The following PRELID1 variants were observed in gnomAD, a reference collection of about 807,000 sequenced individuals.
PRELID1 encodes PRELI domain-containing protein 1, mitochondrial.
PRELID1 carries 15 observed loss-of-function variants against 29.0 expected under a neutral mutation model. The ratio of observed to expected loss-of-function variants is 0.52; its 90% CI spans 0.35 to 0.80. PRELID1 has a LOEUF of 0.80. PRELID1 is among the 30% of genes least tolerant of loss of function. The pLI is 0.01. For missense variants in PRELID1, 187 were observed against 275.9 expected, an observed-to-expected ratio of 0.68 and a Z score of 2.28; for synonymous variants, 79 against 106.5, an observed-to-expected ratio of 0.74 and a Z score of 1.59.
Position 177,304,023 on chromosome 5 carries a change from G to A in PRELID1, c.38G>A (p.Ser13Asn). The A allele has an allele frequency of 3.1e-6, 5 of 1,612,132 alleles. No homozygotes were observed. Among genetic ancestry groups the A allele is most frequent in the Non-Finnish European group, 2.5e-6 (3 of 1,179,952 alleles). ...TTCCTGGGCCAGAGCGTGCTCCGGAGTTCCTGGGACCAAGTGTTCGCCGCC... is the reference window on the plus strand; with the variant it reads ...TTCCTGGGCCAGAGCGTGCTCCGGAATTCCTGGGACCAAGTGTTCGCCGCC... ...KYFLGQSVLR[S>N]SWDQVFAAFW... is the part of the protein sequence containing the mutation. Residue 13 changes from serine to asparagine, a missense_variant, in exon 1 of 5, where the codon AGT becomes AAT. Transcript: ENST00000303204.
chr5:177,304,671 G>A lies in PRELID1; in HGVS notation c.139G>A (p.Asp47Asn). 1 of 1,614,056 alleles carries A rather than the reference G, an allele frequency of 6.2e-7. No individual in the cohort carries two copies. Among genetic ancestry groups the A allele is most frequent in the Non-Finnish European group, 8.5e-7 (1 of 1,179,980 alleles). Residue 47 changes from aspartate (D) to asparagine (N), a missense_variant, in exon 2 of 5, where the codon GAC becomes AAC. Transcript: ENST00000303204. ...EDIVHREVTP[D>N]QKLLSRRLLT... is the part of the protein sequence containing the mutation. ...CATAGTACACCGGGAGGTGACCCCT[G>A]ACCAGAAACTGCTGTCCCGGCGACT...
At position 177,304,175 on chromosome 5, in the gene PRELID1, T is replaced by G. The variant is rs930817927; in HGVS notation, c.92+98T>G. The G allele has an allele frequency of 4.2e-6, 5 of 1,185,700 alleles. No individual in the cohort carries two copies. In the South Asian group the frequency reaches 6.4e-5, roughly 15 times the overall value. The allele number at this position is 1,185,700 out of a possible 1,614,324, so 73.4% of individuals were successfully genotyped here. A position where few individuals can be genotyped will look rare whatever the true frequency, so the allele number is the denominator to read the frequency against. ...TACTGGGACCAGGAAGGACTCGATA[T>G]CGAATCCTAGGTAGACCTTATCGGG... On this transcript the variant is annotated intron_variant, in intron 1 of 4. Transcript: ENST00000303204.
chr5:177,305,000 T>C (rs1760823972), intron 2 of PRELID1, 150 bp downstream of exon 2: 2 of 721,810 alleles, frequency 2.8e-6, no homozygotes, highest in African/African-American at 3.5e-5. Flanking sequence ...AGCTGTAGAG[T>C]ATGACCTCAG....
At position 177,306,694 on chromosome 5, in the gene PRELID1, G is replaced by A. The variant is rs1760887392; in HGVS notation, c.*124G>A. 5.0e-6 allele frequency: 7 copies of A among 1,399,618 alleles called. No individual in the cohort carries two copies. The highest frequency in any genetic ancestry group is 6.7e-6 in the Non-Finnish European group (7 of 1,040,752). The allele number at this position is 1,399,618 out of a possible 1,614,324, so 86.7% of individuals were successfully genotyped here. On this transcript the variant is annotated 3_prime_UTR_variant, in exon 5 of 5. Coordinates refer to ENST00000303204, the MANE Select transcript of PRELID1 (RefSeq NM_013237.4). ...CTGCTGTCTACGTGGTGGGTTGTGG[G>A]GATGCAGTTTGGCATCTGCAGTACA...
chr5:177,306,302 G>T lies in PRELID1; in HGVS notation c.512-120G>T, dbSNP rs542467772. 8.5e-4 allele frequency: 1,329 copies of T among 1,567,834 alleles called. 1 individual carries two copies. Among genetic ancestry groups the T allele is most frequent in the Non-Finnish European group, 1.1e-3 (1,281 of 1,142,518 alleles). ...TCCTTGTCTGTACTGGGGGTGGGAG[G>T]AGGGTGAATACCACCTTTTTAGTGG... On this transcript the variant is annotated intron_variant, in intron 4 of 4. Transcript: ENST00000303204.
At position 177,303,808 on chromosome 5, in the gene PRELID1, G is replaced by C. The variant is rs964740763; in HGVS notation, c.-178G>C. 1.6e-5 allele frequency: 7 copies of C among 445,644 alleles called. No homozygotes were observed. The highest frequency in any genetic ancestry group is 8.3e-5 in the African/African-American group (4 of 47,946). The allele number at this position is 445,644 out of a possible 1,614,324, so 27.6% of individuals were successfully genotyped here. Reference sequence around the variant, plus strand: ...CTGCGCCGGAAGTGGCGCGCGGCCGGACAACTCATGGCGGCGGCGGCGGCG... The same window carrying C: ...CTGCGCCGGAAGTGGCGCGCGGCCGCACAACTCATGGCGGCGGCGGCGGCG... On this transcript the variant is annotated 5_prime_UTR_variant, in exon 1 of 5. Coordinates refer to ENST00000303204, the MANE Select transcript of PRELID1 (RefSeq NM_013237.4). The surrounding 1 kb of genome is among the most constrained non-coding windows in gnomAD (Gnocchi z 6.1).
intron 4 of PRELID1, 91 bp from the exon 5 acceptor site, chr5:177,306,331 C>G (rs769078551): frequency 6.3e-7 from 1 of 1,594,792 alleles, no homozygotes; most frequent in African/African-American, 1.3e-5. Flanking sequence ...TTAGTGGAGC[C>G]TGGCCCAGAG....
intron 2 of PRELID1, chr5:177,305,433 C>G (rs901919670): frequency 9.7e-6 from 2 of 206,226 alleles, no homozygotes; most frequent in Admixed American, 1.1e-4. Flanking sequence ...TCTCGAACTC[C>G]TAACCTCAAG....
chr5:177,306,147 G>C lies in PRELID1; in HGVS notation c.482G>C (p.Gly161Ala), dbSNP rs751534749. The change falls in exon 4 of 5, where the codon GGT becomes GCT. Residue 161 changes from glycine (G) to alanine (A), a missense_variant. Transcript: ENST00000303204. Reference protein sequence around the residue: ...FKSNVTKTMKGFEYILAKLQG... With the variant: ...FKSNVTKTMKAFEYILAKLQG... Reference sequence around the variant, plus strand: ...AGCAACGTGACCAAGACTATGAAGGGTTTTGAATATATCTTGGCTAAGCTG... The same window carrying C: ...AGCAACGTGACCAAGACTATGAAGGCTTTTGAATATATCTTGGCTAAGCTG... 1.9e-6 allele frequency: 3 copies of C among 1,613,812 alleles called. No individual in the cohort carries two copies. Among genetic ancestry groups the C allele is most frequent in the Non-Finnish European group, 2.5e-6 (3 of 1,179,832 alleles).
At position 177,306,835 on chromosome 5, in the gene PRELID1, CTGG is replaced by C. The variant is rs971930959; in HGVS notation, c.*266_*268del. ...GGGCTCCAGGTAGCCTGCAGGTTAACTGGCGGTAAGTGCTAGACTGTAAGCCCG... is the reference window on the plus strand; with the variant it reads ...GGGCTCCAGGTAGCCTGCAGGTTAACCGGTAAGTGCTAGACTGTAAGCCCG... On this transcript the variant is annotated 3_prime_UTR_variant, in exon 5 of 5. Coordinates refer to ENST00000303204, the MANE Select transcript of PRELID1 (RefSeq NM_013237.4). 27 of 738,744 alleles carry C rather than the reference CTGG, an allele frequency of 3.7e-5. No homozygotes were observed. Among genetic ancestry groups the C allele is most frequent in the Non-Finnish European group, 2.8e-5 (13 of 464,704 alleles). The allele number at this position is 738,744 out of a possible 1,614,324, so 45.8% of individuals were successfully genotyped here. A position where few individuals can be genotyped will look rare whatever the true frequency, so the allele number is the denominator to read the frequency against.
chr5:177,306,037 T>C, intron 3 of PRELID1, 53 bp downstream of exon 3: 1 of 1,600,822 alleles, frequency 6.2e-7, no homozygotes, highest in Non-Finnish European at 8.6e-7. Flanking sequence ...GCTTTCGGTG[T>C]TGGGGCTGGG....
At position 177,305,660 on chromosome 5, in the gene PRELID1, C is replaced by G; in HGVS notation, c.319-211C>G. 3 of 573,244 alleles carry G rather than the reference C, an allele frequency of 5.2e-6. No individual in the cohort carries two copies. In the South Asian group the frequency reaches 6.1e-5, roughly 12 times the overall value. 35.5% of individuals were successfully genotyped at this position (573,244 alleles called of 1,614,324 possible). A position where few individuals can be genotyped will look rare whatever the true frequency, so the allele number is the denominator to read the frequency against. On this transcript the variant is annotated intron_variant, in intron 2 of 4. Coordinates refer to ENST00000303204, the MANE Select transcript of PRELID1 (RefSeq NM_013237.4). ...TCTCAAGAGAGAGACCTTTTGCCTT[C>G]TAGTTTAAGAGTCAGAAGAGAGGTT...
chr5:177,304,839 G>A lies in PRELID1; in HGVS notation c.307G>A (p.Ala103Thr), dbSNP rs771356156. The A allele has an allele frequency of 6.2e-7, 1 of 1,610,828 alleles. No individual in the cohort carries two copies. The highest frequency in any genetic ancestry group is 1.7e-5 in the Admixed American group (1 of 59,788). Residue 103 changes from alanine to threonine, a missense_variant, in exon 2 of 5, where the codon GCC becomes ACC. Ala to Thr is a moderately conservative substitution (Grantham distance 58). Coordinates refer to ENST00000303204, the MANE Select transcript of PRELID1 (RefSeq NM_013237.4). Reference protein sequence around the residue: ...MTTFTWNINHARLMVVEERCV... With the variant: ...MTTFTWNINHTRLMVVEERCV... ...TACCTTCACCTGGAACATCAACCAC[G>A]CCCGGCTGATGGTGAGACACCTCCT...
In PRELID1 at chr5:177,306,408, G is replaced by C; in HGVS notation, c.512-14G>C. On this transcript the variant is annotated splice_polypyrimidine_tract_variant and intron_variant, in intron 4 of 4. Coordinates refer to ENST00000303204, the MANE Select transcript of PRELID1 (RefSeq NM_013237.4). ...AGGCATCTTCTAAAGGCAGCCACCT[G>C]CCGTTCGCGACAGGCGAGGCCCCTT... 6.2e-7 allele frequency: 1 copy of C among 1,614,004 alleles called. No homozygotes were observed.
Position 177,306,772 on chromosome 5 carries a change from G to A in PRELID1, c.*202G>A. On this transcript the variant is annotated 3_prime_UTR_variant, in exon 5 of 5. Transcript: ENST00000303204. ...GGTCTGCTTATTCTCCCATTGGGCA[G>A]CTGAGGACCGAGGCACAGAGGTGCG... 2.1e-6 allele frequency: 2 copies of A among 942,826 alleles called. No individual in the cohort carries two copies. The highest frequency in any genetic ancestry group is 3.1e-6 in the Non-Finnish European group (2 of 646,876). 58.4% of individuals were successfully genotyped at this position (942,826 alleles called of 1,614,324 possible).
In PRELID1 at chr5:177,304,074, A is replaced by G. The variant is rs1367722256; in HGVS notation, c.89A>G (p.Tyr30Cys). Residue 30 changes from tyrosine to cysteine, a missense_variant, in exon 1 of 5, where the codon TAT (tyrosine) becomes TGT (cysteine). Physicochemically the swap from Tyr to Cys is radical, Grantham distance 194 (BLOSUM62 -2). Transcript: ENST00000303204. Reference sequence around the variant, plus strand: ...TTCTGGCAGCGGTACCCGAATCCCTATAGGTACGTGGTATTTGGAAGAGCA... The same window carrying G: ...TTCTGGCAGCGGTACCCGAATCCCTGTAGGTACGTGGTATTTGGAAGAGCA... ...AAFWQRYPNP[Y>C]SKHVLTEDIV... 10 of 1,610,702 alleles carry G rather than the reference A, an allele frequency of 6.2e-6. No homozygotes were observed. Among genetic ancestry groups the G allele is most frequent in the East Asian group, 2.2e-5 (1 of 44,858 alleles).
Position 177,303,817 on chromosome 5 carries a change from T to A in PRELID1, c.-169T>A. The A allele has an allele frequency of 2.2e-6, 1 of 463,642 alleles. No individual in the cohort carries two copies. The allele number at this position is 463,642 out of a possible 1,614,324, so 28.7% of individuals were successfully genotyped here. A position where few individuals can be genotyped will look rare whatever the true frequency, so the allele number is the denominator to read the frequency against. On this transcript the variant is annotated 5_prime_UTR_variant, in exon 1 of 5. The change abolishes an upstream ATG in the 5' untranslated region. Coordinates refer to ENST00000303204, the MANE Select transcript of PRELID1 (RefSeq NM_013237.4). The surrounding 1 kb of genome is among the most constrained non-coding windows in gnomAD (Gnocchi z 6.1). ...AAGTGGCGCGCGGCCGGACAACTCA[T>A]GGCGGCGGCGGCGGCGGCGGCAGCT...
chr5:177,305,370 C>G (rs1760836482), intron 2 of PRELID1: 1 of 192,878 alleles, frequency 5.2e-6, no homozygotes, highest in Admixed American at 5.3e-5. Context: ...CCACGCCTGG[C>G]TAATTTTTGT....
In PRELID1 at chr5:177,305,795, G is replaced by C. The variant is rs1263722509; in HGVS notation, c.319-76G>C. 6.4e-6 allele frequency: 8 copies of C among 1,241,076 alleles called. No individual in the cohort carries two copies. In the African/African-American group the frequency reaches 7.4e-5, roughly 11 times the overall value. The allele number at this position is 1,241,076 out of a possible 1,614,324, so 76.9% of individuals were successfully genotyped here. On this transcript the variant is annotated intron_variant, in intron 2 of 4. Transcript: ENST00000303204. ...ATTGTATTGCTTCGCCTCATGAAAA[G>C]TGACAGGGAGTCAGATTTATGTGCA... is the stretch of plus-strand genomic sequence containing the variant.
Sources: gnomAD v4.1 joint callset for allele counts on GRCh38, gnomAD v4.1.1 for gene constraint, Gnocchi (gnomAD v3.1) non-coding constraint, MANE v1.5 for transcripts, NCBI Gene and HGNC (gene_info 2026-07-23, HGNC 2026-07-21) for gene names.